Variants in ELMO1 observed in about 807,000 individuals in gnomAD.
ELMO1 encodes engulfment and cell motility protein 1.
ELMO1 carries 26 observed loss-of-function variants against 98.9 expected under a neutral mutation model. The ratio of observed to expected loss-of-function variants is 0.26; its 90% confidence interval spans 0.19 to 0.36. The LOEUF is 0.36. Among genes scored for constraint, ELMO1 ranks in the 10% least tolerant of loss-of-function variants. ELMO1 has a pLI of 1.00. For missense variants in ELMO1, 627 were observed against 935.2 expected (o/e 0.67, Z 4.30); for synonymous variants, 346 against 346.0 (o/e 1.00, Z 0.00).
chr7:36,921,168 G>T (rs1008162246), intron 16 of ELMO1, among the ~76,000 whole-genome samples: 1 of 152,138 alleles, frequency 6.6e-6, no homozygotes, highest in African/African-American at 2.4e-5. Context: ...CCAGAACTGT[G>T]AGCAACAAAT....
intron 15 of ELMO1, among the ~76,000 whole-genome samples, chr7:37,074,824 G>A (rs556146467): frequency 6.6e-6 from 1 of 152,286 alleles, no homozygotes; most frequent in African/African-American, 2.4e-5. Context: ...GCTGATTTTG[G>A]TTGTTAGTTT....
At chr7:37,088,415 C>T (rs543844180) in intron 15 of ELMO1, among the ~76,000 whole-genome samples, 26 of 152,314 alleles carry the variant, frequency 1.7e-4, no homozygotes, top group African/African-American at 6.3e-4. Context: ...GTTGGCTTTG[C>T]TGCAAGATGC....
chr7:36,944,462 T>C (rs1241332094), intron 16 of ELMO1, among the ~76,000 whole-genome samples: 1 of 152,194 alleles, frequency 6.6e-6, no homozygotes, highest in Admixed American at 6.5e-5. Flanking sequence ...TGATTTTCAC[T>C]CTACTCCTGG....
intron 1 of ELMO1, among the ~76,000 whole-genome samples, chr7:37,446,765 C>T (rs1190101390): frequency 6.6e-6 from 1 of 152,188 alleles, no homozygotes. Flanking sequence ...CAGTACCCTC[C>T]TGACACAACC....
chr7:37,408,607 T>C (rs182863375), intron 1 of ELMO1, among the ~76,000 whole-genome samples: 1 of 152,332 alleles, frequency 6.6e-6, no homozygotes, highest in African/African-American at 2.4e-5. Context: ...TGTCATGTGC[T>C]ACAACTCAGA....
At chr7:37,387,745 G>GTA (rs1229405988) in intron 1 of ELMO1, among the ~76,000 whole-genome samples, 3 of 152,186 alleles carry the variant, frequency 2.0e-5, no homozygotes, top group Non-Finnish European at 4.4e-5. Flanking sequence ...ATGTACTTTT[G>GTA]TATAGAAAAG....
chr7:37,448,423 C>T (rs1275069341), intron 1 of ELMO1, among the ~76,000 whole-genome samples: 1 of 152,076 alleles, frequency 6.6e-6, no homozygotes, highest in Non-Finnish European at 1.5e-5. Flanking sequence ...ACTCCCACTC[C>T]CGCCATCCCC....
At chr7:37,118,052 A>G (rs1237415784) in intron 14 of ELMO1, among the ~76,000 whole-genome samples, 1 of 152,242 alleles carries the variant, frequency 6.6e-6, no homozygotes, top group Non-Finnish European at 1.5e-5. Flanking sequence ...TGCACTAAGC[A>G]TTATTCCAAT....
At chr7:37,027,817 C>T (rs1418706833) in intron 15 of ELMO1, among the ~76,000 whole-genome samples, 1 of 150,630 alleles carries the variant, frequency 6.6e-6, no homozygotes, top group Non-Finnish European at 1.5e-5. Flanking sequence ...GGTCAAGCTC[C>T]ACACAGGCAC....
At chr7:37,246,024 T>G (rs1562550124) in intron 6 of ELMO1, among the ~76,000 whole-genome samples, 1 of 152,200 alleles carries the variant, frequency 6.6e-6, no homozygotes, top group African/African-American at 2.4e-5. Context: ...TGCTTGATAT[T>G]ATTTTCCGAT....
chr7:36,855,089 GA>G lies in ELMO1; in HGVS notation c.*461del. 5.1e-6 allele frequency: 1 copy of G among 195,264 alleles called. No homozygotes were observed. Among genetic ancestry groups the G allele is most frequent in the Non-Finnish European group, 1.1e-5 (1 of 93,332 alleles). 12.1% of individuals were successfully genotyped at this position (195,264 alleles called of 1,614,324 possible). A position where few individuals can be genotyped will look rare whatever the true frequency, so the allele number is the denominator to read the frequency against. On this transcript the variant is annotated 3_prime_UTR_variant, in exon 22 of 22. Transcript: ENST00000310758. This position sits in a 1 kb window ranked among gnomAD's most constrained non-coding sequence, Gnocchi z 4.2. The stretch of plus-strand genomic sequence containing the variant: ...GTGCGAGATGATTCTAGAGAGAGGG[GA>G]AAGGAGGATGTGGGGTTTGGTCTTC...
At chr7:37,281,283 A>G (rs948083854) in intron 4 of ELMO1, among the ~76,000 whole-genome samples, 2 of 152,090 alleles carry the variant, frequency 1.3e-5, no homozygotes, top group Admixed American at 1.3e-4. Flanking sequence ...GGTGCAGTGT[A>G]TACTGCTTGG....
intron 10 of ELMO1, 99 bp from the exon 11 acceptor site, chr7:37,216,794 T>C: frequency 8.6e-7 from 1 of 1,157,524 alleles, no homozygotes; most frequent in Non-Finnish European, 1.3e-6. Context: ...TTCGTAACTG[T>C]ATATCAGCAG....
At chr7:37,237,118 G>A (rs899831589) in intron 7 of ELMO1, among the ~76,000 whole-genome samples, 1 of 152,168 alleles carries the variant, frequency 6.6e-6, no homozygotes, top group East Asian at 1.9e-4. Context: ...CACCATGTGT[G>A]CTGGAATGAT....
chr7:36,976,681 G>A (rs961878870), intron 16 of ELMO1, among the ~76,000 whole-genome samples: 6 of 152,144 alleles, frequency 3.9e-5, no homozygotes, highest in African/African-American at 1.4e-4. Flanking sequence ...GGTGAGCAGG[G>A]GCCTTTCTTT....
chr7:37,005,039 T>C (rs958916675), intron 16 of ELMO1, among the ~76,000 whole-genome samples: 36 of 140,940 alleles, frequency 2.6e-4, no homozygotes, highest in African/African-American at 9.2e-4. Context: ...AACCAGCGAG[T>C]TGGAGGTTGC....
At chr7:37,221,970 C>G (rs34400248) in intron 10 of ELMO1, among the ~76,000 whole-genome samples, 2,803 of 152,214 alleles carry the variant, frequency 0.018, 92 homozygotes, top group African/African-American at 0.065. Flanking sequence ...AGGGCTGGGA[C>G]TACAGGTGTG....
intron 13 of ELMO1, among the ~76,000 whole-genome samples, chr7:37,193,443 A>G (rs1791767579): frequency 6.6e-6 from 1 of 152,150 alleles, no homozygotes; most frequent in Non-Finnish European, 1.5e-5. Context: ...ATAAGCAGGG[A>G]TGGAGGGAAG....
intron 16 of ELMO1, among the ~76,000 whole-genome samples, chr7:36,963,001 A>G (rs1409028663): frequency 6.6e-6 from 1 of 152,232 alleles, no homozygotes; most frequent in Non-Finnish European, 1.5e-5. Context: ...CTAATAGCGT[A>G]CAACTGAGAA....
Sources: allele counts gnomAD v4.1 joint callset (sites outside exome capture counted in the v4.1 genomes callset), GRCh38; gene constraint gnomAD v4.1.1; non-coding constraint Gnocchi (gnomAD v3.1); transcripts MANE v1.5; gene names NCBI Gene and HGNC (gene_info 2026-07-23, HGNC 2026-07-21).